Variants in PKP4 observed in about 807,000 individuals in gnomAD.
PKP4 encodes the protein plakophilin 4, also known as plakophilin-4.
In PKP4, 90 loss-of-function variants were observed where a neutral mutation model predicts 145.1. The observed-to-expected ratio is 0.62, with a 90% confidence interval of 0.52 to 0.74. PKP4 has a LOEUF of 0.74. Among genes scored for constraint, PKP4 ranks in the 30% least tolerant of loss-of-function variants. PKP4 has a pLI of 0.00. For missense variants in PKP4, 1,340 were observed against 1,482.7 expected (o/e 0.90, Z 1.58); for synonymous variants, 563 against 577.2 (o/e 0.98, Z 0.35).
At chr2:158,670,031 C>A in intron 17 of PKP4, 116 bp downstream of exon 17, 1 of 813,806 alleles carries the variant, frequency 1.2e-6, no homozygotes, top group Non-Finnish European at 1.9e-6. Flanking sequence ...GCATTTCTTA[C>A]ATGCCGATAA....
intron 2 of PKP4, among the ~76,000 whole-genome samples, chr2:158,567,677 G>A (rs2047103899): frequency 6.6e-6 from 1 of 152,210 alleles, no homozygotes; most frequent in Non-Finnish European, 1.5e-5. Context: ...GTAAAACATA[G>A]AGATTATTGG....
intron 2 of PKP4, among the ~76,000 whole-genome samples, chr2:158,563,401 C>T (rs1574499846): frequency 1.3e-5 from 2 of 152,106 alleles, no homozygotes; most frequent in African/African-American, 2.4e-5. Context: ...TTTGAGTATA[C>T]ATCAAGAAAA....
intron 3 of PKP4, among the ~76,000 whole-genome samples, chr2:158,581,582 A>G (rs182417127): frequency 6.6e-6 from 1 of 152,328 alleles, no homozygotes; most frequent in Admixed American, 6.5e-5. Context: ...AATGACGCTT[A>G]TGCTGTGATA....
intron 1 of PKP4, among the ~76,000 whole-genome samples, chr2:158,460,264 G>T (rs1375836066): frequency 6.6e-6 from 1 of 152,120 alleles, no homozygotes; most frequent in East Asian, 1.9e-4. Context: ...TTTGTGACTA[G>T]TTCTGACATG....
At position 158,507,842 on chromosome 2, in the gene PKP4, A is replaced by G. The variant is rs562118179; in HGVS notation, c.-5-25338A>G. 8.3e-4 allele frequency among the ~76,000 whole-genome samples: 127 copies of G among 152,134 alleles called. 2 individuals are homozygous for G. The South Asian group carries it at 0.026, about 31-fold the overall frequency. On this transcript the variant is annotated intron_variant, in intron 1 of 21. Coordinates refer to ENST00000389759, the MANE Select transcript of PKP4 (RefSeq NM_003628.6). ...GATTGCTGTGTAGGAAAAGCTCTCT[A>G]AATTTTTTCTGCTGGCTGAATGTAG...
At chr2:158,512,844 C>G (rs1277119187) in intron 1 of PKP4, among the ~76,000 whole-genome samples, 1 of 152,128 alleles carries the variant, frequency 6.6e-6, no homozygotes, top group Non-Finnish European at 1.5e-5. Flanking sequence ...AACCAGAACA[C>G]AAATTTATTA....
intron 7 of PKP4, 72 bp downstream of exon 7, chr2:158,625,499 G>A: frequency 1.6e-6 from 2 of 1,259,172 alleles, no homozygotes; most frequent in Non-Finnish European, 2.2e-6. Context: ...TTGAAACAAA[G>A]AATGAAAAGG....
intron 4 of PKP4, among the ~76,000 whole-genome samples, chr2:158,616,137 G>A (rs2051588736): frequency 6.6e-6 from 1 of 152,192 alleles, no homozygotes; most frequent in Non-Finnish European, 1.5e-5. Context: ...TCCTGTGGAG[G>A]AAGGAATACT....
At position 158,669,655 on chromosome 2, in the gene PKP4, C is replaced by A. The variant is rs2057393612; in HGVS notation, c.2729-65C>A. 6 of 1,285,710 alleles carry A rather than the reference C, an allele frequency of 4.7e-6. No homozygotes were observed. In the South Asian group the frequency reaches 1.2e-4, roughly 26 times the overall value. 79.6% of individuals were successfully genotyped at this position (1,285,710 alleles called of 1,614,324 possible). ...TTAAGAGATTGCATGCCACCAGAAT[C>A]TGAACAACAATAACAAAAACCTAGT... On this transcript the variant is annotated intron_variant, in intron 16 of 21. Coordinates refer to ENST00000389759, the MANE Select transcript of PKP4 (RefSeq NM_003628.6).
intron 1 of PKP4, among the ~76,000 whole-genome samples, chr2:158,500,415 T>G (rs1696378187): frequency 6.6e-6 from 1 of 152,194 alleles, no homozygotes; most frequent in African/African-American, 2.4e-5. Flanking sequence ...TAGCAAAAAA[T>G]AAAGATAACC....
chr2:158,471,837 C>T (rs1464330680), intron 1 of PKP4, among the ~76,000 whole-genome samples: 2 of 152,204 alleles, frequency 1.3e-5, no homozygotes, highest in East Asian at 1.9e-4. Flanking sequence ...GGCATTTAAA[C>T]ACTTCTGATT....
intron 1 of PKP4, among the ~76,000 whole-genome samples, chr2:158,471,156 T>G (rs1216437322): frequency 6.6e-6 from 1 of 152,146 alleles, no homozygotes; most frequent in Admixed American, 6.5e-5. Flanking sequence ...AACAAGGTTT[T>G]GGTTGAAAAA....
chr2:158,572,844 G>C (rs889112653), intron 2 of PKP4, among the ~76,000 whole-genome samples: 7 of 152,202 alleles, frequency 4.6e-5, no homozygotes, highest in African/African-American at 1.7e-4. Flanking sequence ...TTAAGGCCCA[G>C]AATGCCAGCT....
At chr2:158,464,938 T>C (rs1046849687) in intron 1 of PKP4, among the ~76,000 whole-genome samples, 1 of 152,250 alleles carries the variant, frequency 6.6e-6, no homozygotes, top group Non-Finnish European at 1.5e-5. Context: ...TTTAAAACGA[T>C]ACTACTTATT....
rs1688864040 is a variant in PKP4 at position 158,457,129 on chromosome 2, T to G, written c.-95T>G. ...GGGCAGCCGCGCCGCCGCGGCACTT[T>G]TTTAATTTTTTCGGGTGCCGCAGCG... On this transcript the variant is annotated 5_prime_UTR_variant, in exon 1 of 22. Coordinates refer to ENST00000389759, the MANE Select transcript of PKP4 (RefSeq NM_003628.6). The G allele has an allele frequency of 6.6e-6, 1 of 150,538 alleles. No individual in the cohort carries two copies. Among genetic ancestry groups the G allele is most frequent in the African/African-American group, 2.4e-5 (1 of 40,904 alleles). 9.3% of individuals were successfully genotyped at this position (150,538 alleles called of 1,614,324 possible).
chr2:158,468,722 T>C (rs1254002007), intron 1 of PKP4, among the ~76,000 whole-genome samples: 1 of 151,870 alleles, frequency 6.6e-6, no homozygotes, highest in African/African-American at 2.4e-5. Context: ...GTGAGGATTG[T>C]TTCATTCCTA....
intron 1 of PKP4, among the ~76,000 whole-genome samples, chr2:158,475,046 T>C (rs1692232833): frequency 6.6e-6 from 1 of 152,214 alleles, no homozygotes. Context: ...GGCTAGTTAG[T>C]TATACTGAGA....
intron 1 of PKP4, among the ~76,000 whole-genome samples, chr2:158,464,925 T>C (rs753875802): frequency 9.9e-5 from 15 of 152,262 alleles, no homozygotes; most frequent in Admixed American, 2.0e-4. Context: ...TTTTGCATAC[T>C]TATTTAAAAC....
intron 2 of PKP4, among the ~76,000 whole-genome samples, chr2:158,560,098 C>T (rs2046393257): frequency 6.6e-6 from 1 of 152,100 alleles, no homozygotes; most frequent in South Asian, 2.1e-4. Flanking sequence ...AACTCCTGGC[C>T]TCAAGTGATC....
Sources: gnomAD v4.1 joint callset for allele counts (sites outside exome capture counted in the v4.1 genomes callset) on GRCh38, gnomAD v4.1.1 for gene constraint, MANE v1.5 for transcripts, NCBI Gene and HGNC (gene_info 2026-07-23, HGNC 2026-07-21) for gene names.